ARMCX4: variants seen among roughly 807,000 people sequenced by gnomAD.
ARMCX4 encodes armadillo repeat-containing X-linked protein 4.
In ARMCX4, 3 loss-of-function variants were observed where a neutral mutation model predicts 34.7. That is an observed-to-expected ratio of 0.09 (90% CI 0.04 to 0.22). The LOEUF is 0.22. Among genes scored for constraint, ARMCX4 ranks in the 10% least tolerant of loss-of-function variants. The probability of loss-of-function intolerance (pLI) is 1.00; values close to 1 mark genes in which losing one functional copy is unlikely to be tolerated. For missense variants in ARMCX4, 1,448 were observed against 1,720.8 expected, an observed-to-expected ratio of 0.84 and a Z score of 2.81; for synonymous variants, 513 against 632.8, an observed-to-expected ratio of 0.81 and a Z score of 2.84.
chrX:101,503,299 G>A (rs868940885), intron 7 of ARMCX4, among the ~76,000 whole-genome samples: 3 of 110,660 alleles, frequency 2.7e-5, no homozygotes, highest in Admixed American at 9.6e-5. Context: ...GGGTATATAC[G>A]CAGTAATGGG....
In ARMCX4 at chrX:101,495,493, A is replaced by G. The variant is rs1556011650; in HGVS notation, c.*31A>G. ...TGTATGTTCCCAAACAAATTTGAGT[A>G]ATATTTTGGTTTTGCACTCTGGAAG... On this transcript the variant is annotated 3_prime_UTR_variant, in exon 6 of 6. Coordinates refer to ENST00000423738, the MANE Select transcript of ARMCX4 (RefSeq NM_001256155.3). 4 of 1,084,418 alleles carry G rather than the reference A, an allele frequency of 3.7e-6. No homozygotes were observed. The highest frequency in any genetic ancestry group is 4.8e-6 in the Non-Finnish European group (4 of 840,574). The allele number at this position is 1,084,418 out of a possible 1,213,427, so 89.4% of individuals were successfully genotyped here.
chrX:101,418,664 C>CG (rs1273197451), intron 1 of ARMCX4: 1 of 111,334 alleles, frequency 9.0e-6, no homozygotes, highest in African/African-American at 3.3e-5. Context: ...GGCCGGTCCC[C>CG]GGGGGAGTCC....
intron 4 of ARMCX4, among the ~76,000 whole-genome samples, chrX:101,474,842 C>G (rs1242256314): frequency 1.0e-5 from 1 of 99,736 alleles, no homozygotes; most frequent in Admixed American, 1.1e-4. Flanking sequence ...GACAAACCCA[C>G]AGCCAATATC....
At chrX:101,441,729 A>G (rs1309624734) in intron 2 of ARMCX4, among the ~76,000 whole-genome samples, 3 of 111,482 alleles carry the variant, frequency 2.7e-5, no homozygotes, top group Non-Finnish European at 5.7e-5. Flanking sequence ...ATGTGCGTGA[A>G]CTAGTTGGCA....
chrX:101,430,429 AT>A (rs1929926066), intron 2 of ARMCX4, among the ~76,000 whole-genome samples: 1 of 112,596 alleles, frequency 8.9e-6, no homozygotes. Flanking sequence ...ATTTTGGAGA[AT>A]GAGAAAACTT....
intron 4 of ARMCX4, among the ~76,000 whole-genome samples, chrX:101,457,578 C>T (rs1388978363): frequency 9.0e-6 from 1 of 110,562 alleles, no homozygotes; most frequent in Admixed American, 9.6e-5. Flanking sequence ...ACAAAGTTAG[C>T]TGGGTGTGGT....
intron 11 of ARMCX4, among the ~76,000 whole-genome samples, chrX:101,524,979 GGACA>G (rs1486036667): frequency 8.9e-6 from 1 of 112,012 alleles, no homozygotes; most frequent in Non-Finnish European, 1.9e-5. Flanking sequence ...CTCTGAGAAT[GGACA>G]GACTGCCTCC....
chrX:101,514,326 G>A (rs1375657059), intron 11 of ARMCX4, among the ~76,000 whole-genome samples: 1 of 111,198 alleles, frequency 9.0e-6, no homozygotes, highest in Non-Finnish European at 1.9e-5. Context: ...GAAAAAAATA[G>A]CACCATATAT....
rs1412608498 is a variant in ARMCX4 at position 101,494,901 on chromosome X, A to G, written c.6312A>G (p.Leu2104=). The G allele has an allele frequency of 1.0e-5, 12 of 1,154,280 alleles. No homozygotes were observed. The highest frequency in any genetic ancestry group is 1.1e-5 in the Non-Finnish European group (10 of 872,601). ...NPYPSVRQKA[L]NALNNISVAA... ...ACCCCAGTGTTAGGCAGAAGGCTTT[A>G]AATGCACTGAATAATATCTCAGTGG... Residue 2104 remains leucine, a synonymous_variant, in exon 6 of 6, where the codon TTA becomes TTG. Coordinates refer to ENST00000423738, the MANE Select transcript of ARMCX4 (RefSeq NM_001256155.3).
intron 11 of ARMCX4, among the ~76,000 whole-genome samples, chrX:101,513,463 A>G (rs970001635): frequency 8.9e-6 from 1 of 112,192 alleles, no homozygotes; most frequent in Admixed American, 9.5e-5. Context: ...GGCAATGTTT[A>G]CACTTCTCCT....
At chrX:101,501,677 G>A (rs1260732814) in intron 7 of ARMCX4, among the ~76,000 whole-genome samples, 3 of 112,462 alleles carry the variant, frequency 2.7e-5, no homozygotes, top group Middle Eastern at 4.7e-3. Flanking sequence ...TGGGTTTTTG[G>A]AATTTTCTAG....
chrX:101,457,459 G>A (rs1556000444), intron 4 of ARMCX4, among the ~76,000 whole-genome samples: 1 of 111,426 alleles, frequency 9.0e-6, no homozygotes, highest in Non-Finnish European at 1.9e-5. Flanking sequence ...CCTTGGTGCA[G>A]TGGCTCACGC....
intron 4 of ARMCX4, among the ~76,000 whole-genome samples, chrX:101,475,261 A>G (rs1451413345): frequency 9.0e-6 from 1 of 111,086 alleles, no homozygotes; most frequent in African/African-American, 3.3e-5. Context: ...GCTGCAGTGA[A>G]CTGTGATTGC....
chrX:101,453,903 AT>A (rs1306095726), intron 4 of ARMCX4, among the ~76,000 whole-genome samples: 3 of 110,845 alleles, frequency 2.7e-5, no homozygotes, highest in Non-Finnish European at 5.7e-5. Flanking sequence ...CTGGTGCTTG[AT>A]AGGGAGGAGA....
At chrX:101,477,227 G>A (rs1933229150) in intron 4 of ARMCX4, among the ~76,000 whole-genome samples, 1 of 108,663 alleles carries the variant, frequency 9.2e-6, no homozygotes, top group African/African-American at 3.3e-5. Context: ...ATCACTTGAA[G>A]TCAAGAGTTT....
At chrX:101,441,503 C>T (rs1931287767) in intron 2 of ARMCX4, among the ~76,000 whole-genome samples, 1 of 110,523 alleles carries the variant, frequency 9.0e-6, no homozygotes, top group South Asian at 3.9e-4. Flanking sequence ...TAGAGGTGTG[C>T]CAAAGGACAG....
At chrX:101,487,776 C>A in intron 4 of ARMCX4, 85 bp downstream of exon 4, 1 of 418,462 alleles carries the variant, frequency 2.4e-6, no homozygotes, top group Non-Finnish European at 3.7e-6. Flanking sequence ...AGTGACCAGT[C>A]TGGAGGATGA....
At position 101,491,795 on chromosome X, in the gene ARMCX4, A is replaced by G; in HGVS notation, c.3206A>G (p.Glu1069Gly). ...EDEAYAKPEA[E>G]AMPTSESEGG... ...GAGGCCTATGCAAAGCCTGAGGCTG[A>G]GGCCATGCCCACTTCTGAGAGTGAG... Residue 1069 changes from glutamate (E) to glycine (G), a missense_variant, in exon 6 of 6, where the codon GAG (glutamate) becomes GGG (glycine). Glu to Gly is a moderately conservative substitution (Grantham distance 98). Coordinates refer to ENST00000423738, the MANE Select transcript of ARMCX4 (RefSeq NM_001256155.3). 1 of 1,156,704 alleles carries G rather than the reference A, an allele frequency of 8.6e-7. No homozygotes were observed. Among genetic ancestry groups the G allele is most frequent in the Non-Finnish European group, 1.1e-6 (1 of 873,049 alleles).
intron 11 of ARMCX4, among the ~76,000 whole-genome samples, chrX:101,523,123 A>G (rs1401808375): frequency 1.8e-5 from 2 of 111,830 alleles, no homozygotes; most frequent in Non-Finnish European, 3.8e-5. Context: ...ACACAGACCT[A>G]TAAACATAGG....
Sources: allele counts gnomAD v4.1 joint callset (sites outside exome capture counted in the v4.1 genomes callset), GRCh38; gene constraint gnomAD v4.1.1; transcripts MANE v1.5; gene names NCBI Gene and HGNC (gene_info 2026-07-23, HGNC 2026-07-21).